Variants in SCLY observed in about 807,000 individuals in gnomAD.
The protein encoded by SCLY is putative selenocysteine lyase.
SCLY carries 38 observed loss-of-function variants against 50.1 expected under a neutral mutation model. The observed-to-expected ratio is 0.76, with a 90% CI of 0.59 to 0.99. SCLY has a LOEUF of 0.99. SCLY is among the 50% of genes least tolerant of loss of function. The pLI, the probability that SCLY is intolerant of heterozygous loss-of-function variation, is 0.00. For missense variants in SCLY, 600 were observed against 620.0 expected, an observed-to-expected ratio of 0.97 and a Z score of 0.34; for synonymous variants, 243 against 249.4, an observed-to-expected ratio of 0.97 and a Z score of 0.24.
intron 5 of SCLY, 90 bp downstream of exon 5, chr2:238,081,926 C>T: frequency 6.3e-7 from 1 of 1,577,636 alleles, no homozygotes; most frequent in Non-Finnish European, 8.6e-7. Context: ...CAGCTCTGGC[C>T]TCTCCCGTTT....
At chr2:238,077,858 G>C (rs1189373766) in intron 4 of SCLY, among the ~76,000 whole-genome samples, 1 of 151,700 alleles carries the variant, frequency 6.6e-6, no homozygotes, top group Admixed American at 6.6e-5. Flanking sequence ...TCTTTGATGT[G>C]AATAATAGGA....
intron 8 of SCLY, chr2:238,093,481 G>T: frequency 3.6e-6 from 1 of 280,616 alleles, no homozygotes. Flanking sequence ...CCCTGCCCTT[G>T]TACAGCCATC....
chr2:238,097,142 G>T (rs866917841), intron 11 of SCLY, among the ~76,000 whole-genome samples: 1 of 150,480 alleles, frequency 6.6e-6, no homozygotes, highest in Non-Finnish European at 1.5e-5. Flanking sequence ...GAGGGCCAGC[G>T]TGGCCGGGGC....
intron 4 of SCLY, among the ~76,000 whole-genome samples, chr2:238,077,347 CCTTTTA>C (rs1258839054): frequency 6.6e-6 from 1 of 152,198 alleles, no homozygotes; most frequent in Non-Finnish European, 1.5e-5. Context: ...CTTTTTCCAT[CCTTTTA>C]CTTTTAATCC....
At chr2:238,065,353 A>G (rs991218763) in intron 2 of SCLY, among the ~76,000 whole-genome samples, 2 of 152,220 alleles carry the variant, frequency 1.3e-5, no homozygotes, top group African/African-American at 4.8e-5. Flanking sequence ...AGTAAAATTG[A>G]AATTTCTGAC....
At chr2:238,094,709 C>A in intron 10 of SCLY, 187 bp downstream of exon 10, 1 of 571,608 alleles carries the variant, frequency 1.7e-6, no homozygotes, top group Non-Finnish European at 3.1e-6. Flanking sequence ...AGGGCTCTCG[C>A]CGCTGGCCCC....
Position 238,082,112 on chromosome 2 carries a change from C to T in SCLY, c.680C>T (p.Pro227Leu), listed in dbSNP as rs1473421561. 6.2e-7 allele frequency: 1 copy of T among 1,613,536 alleles called. No individual in the cohort carries two copies. The highest frequency in any genetic ancestry group is 2.2e-5 in the East Asian group (1 of 44,884). ...GAACGGGTGGCAGCTGGGCTACCTC[C>T]CATCCTCGTGCACACGGATGCTGCA... ...NQERVAAGLP[P>L]ILVHTDAAQA... Residue 227 changes from proline to leucine, a missense_variant, in exon 6 of 12, where the codon CCC becomes CTC. Transcript: ENST00000254663.
chr2:238,094,022 C>A, intron 9 of SCLY, 78 bp downstream of exon 9: 9 of 1,250,898 alleles, frequency 7.2e-6, no homozygotes, highest in Non-Finnish European at 8.0e-6. Flanking sequence ...GTGTGGTGCT[C>A]CCAGACCCCA....
Position 238,066,317 on chromosome 2 carries a change from G to A in SCLY, c.203-1748G>A, listed in dbSNP as rs112926259. Among the ~76,000 whole-genome samples the A allele has an allele frequency of 5.3e-5, 8 of 152,268 alleles. No homozygotes were observed. The highest frequency in any genetic ancestry group is 1.9e-4 in the African/African-American group (8 of 41,544). On this transcript the variant is annotated intron_variant, in intron 2 of 11. Transcript: ENST00000254663. The surrounding 1 kb of genome is among the most constrained non-coding windows in gnomAD (Gnocchi z 4.1). The stretch of plus-strand genomic sequence containing the variant: ...ACCATATACCTGTGAGAAAAGGAGC[G>A]TGAAAAAGGCAGTTCTTCTCTTAGT...
chr2:238,070,845 T>G (rs941481490), intron 4 of SCLY, among the ~76,000 whole-genome samples: 1 of 151,884 alleles, frequency 6.6e-6, no homozygotes, highest in African/African-American at 2.4e-5. Flanking sequence ...TTTTTTTTTT[T>G]CTTTGAGATG....
intron 7 of SCLY, among the ~76,000 whole-genome samples, chr2:238,090,809 C>G (rs1176446529): frequency 6.6e-6 from 1 of 152,156 alleles, no homozygotes; most frequent in Admixed American, 6.5e-5. Context: ...TACACACACA[C>G]ACACACCCCT....
rs1343899065 is a variant in SCLY at position 238,069,487 on chromosome 2, T to C, written c.484+10T>C. On this transcript the variant is annotated intron_variant, in intron 4 of 11. Coordinates refer to ENST00000254663, the MANE Select transcript of SCLY (RefSeq NM_016510.7). The surrounding 1 kb of genome is among the most constrained non-coding windows in gnomAD (Gnocchi z 5.0). Reference sequence around the variant, plus strand: ...GAAGAACAAGTGGCAGGTGAGTGAGTGCAGGGTGGCCCTGGGACCAGCCTG... The same window carrying C: ...GAAGAACAAGTGGCAGGTGAGTGAGCGCAGGGTGGCCCTGGGACCAGCCTG... 6.2e-7 allele frequency: 1 copy of C among 1,602,084 alleles called. No individual in the cohort carries two copies. The highest frequency in any genetic ancestry group is 1.8e-5 in the Admixed American group (1 of 57,028).
chr2:238,076,333 C>T (rs1487699867), intron 4 of SCLY, among the ~76,000 whole-genome samples: 4 of 152,060 alleles, frequency 2.6e-5, no homozygotes, highest in African/African-American at 9.7e-5. Context: ...CTCAAGTGAC[C>T]CACCCACCTT....
chr2:238,079,171 C>T (rs775869616), intron 4 of SCLY: 4 of 143,674 alleles, frequency 2.8e-5, no homozygotes, highest in Non-Finnish European at 6.0e-5. Flanking sequence ...ACCTCCCAGG[C>T]TCAAGTGATC....
chr2:238,097,593 G>A (rs1346760645), intron 11 of SCLY, among the ~76,000 whole-genome samples: 1 of 152,096 alleles, frequency 6.6e-6, no homozygotes, highest in Non-Finnish European at 1.5e-5. Flanking sequence ...CTGGCTCCAG[G>A]GAAAAGGAGG....
Position 238,061,021 on chromosome 2 carries a change from A to G in SCLY, c.-34A>G. 7.4e-7 allele frequency: 1 copy of G among 1,350,110 alleles called. No homozygotes were observed. Among genetic ancestry groups the G allele is most frequent in the South Asian group, 1.7e-5 (1 of 57,162 alleles). 83.6% of individuals were successfully genotyped at this position (1,350,110 alleles called of 1,614,324 possible). On this transcript the variant is annotated 5_prime_UTR_variant, in exon 1 of 12. Transcript: ENST00000254663. ...TCTGGGCCCGTAGCGCTCCGCGGGA[A>G]GGAGGCTGGATGCCCGGCAGCAGTG... is the stretch of plus-strand genomic sequence containing the variant.
Position 238,066,212 on chromosome 2 carries a change from CT to C in SCLY, c.202+1744del, listed in dbSNP as rs1323360694. Among the ~76,000 whole-genome samples, 2 of 152,200 alleles carry C rather than the reference CT, an allele frequency of 1.3e-5. No individual in the cohort carries two copies. Among genetic ancestry groups the C allele is most frequent in the Admixed American group, 1.3e-4 (2 of 15,286 alleles). On this transcript the variant is annotated intron_variant, in intron 2 of 11. Transcript: ENST00000254663. This position sits in a 1 kb window ranked among gnomAD's most constrained non-coding sequence, Gnocchi z 4.1. The stretch of plus-strand genomic sequence containing the variant: ...GTGGAAGTCTCTTTACTGCCTGTTG[CT>C]GGAAGATAGCTGGCGCTCATACCTC...
At chr2:238,068,597 G>A (rs915183056) in intron 3 of SCLY, among the ~76,000 whole-genome samples, 1 of 152,118 alleles carries the variant, frequency 6.6e-6, no homozygotes, top group Non-Finnish European at 1.5e-5. Flanking sequence ...ATACTAGCTC[G>A]AGATAATTAG....
At chr2:238,073,685 G>C (rs1280193212) in intron 4 of SCLY, 2 of 458,316 alleles carry the variant, frequency 4.4e-6, no homozygotes, top group Non-Finnish European at 8.9e-6. Flanking sequence ...AACAACATGG[G>C]TTTGAACTCT....
Sources: gnomAD v4.1 joint callset for allele counts (sites outside exome capture counted in the v4.1 genomes callset) on GRCh38, gnomAD v4.1.1 for gene constraint, Gnocchi (gnomAD v3.1) non-coding constraint, MANE v1.5 for transcripts, NCBI Gene and HGNC (gene_info 2026-07-23, HGNC 2026-07-21) for gene names.